Variants in WDPCP observed in about 807,000 individuals in gnomAD.
The protein encoded by WDPCP is WD repeat containing planar cell polarity effector.
In WDPCP, 71 loss-of-function variants were observed where a neutral mutation model predicts 93.1. The observed-to-expected ratio is 0.76, with a 90% CI of 0.63 to 0.93. WDPCP has a LOEUF of 0.93. Ranked by LOEUF, WDPCP falls within the 40% of genes least tolerant of loss-of-function variation. The pLI is 0.00. For synonymous variants in WDPCP, 315 were observed against 315.0 expected, an observed-to-expected ratio of 1.00 and a Z score of 0.00; for missense variants, 844 against 887.4, an observed-to-expected ratio of 0.95 and a Z score of 0.62.
intron 1 of WDPCP, among the ~76,000 whole-genome samples, chr2:63,824,120 T>G (rs1219947712): frequency 6.6e-6 from 1 of 152,088 alleles, no homozygotes; most frequent in East Asian, 1.9e-4. Flanking sequence ...TAGGGGTAGT[T>G]TCCCCCATGC....
At chr2:63,772,996 A>G (rs888657519) in intron 2 of WDPCP, among the ~76,000 whole-genome samples, 21 of 152,004 alleles carry the variant, frequency 1.4e-4, no homozygotes, top group African/African-American at 4.3e-4. Context: ...AAATGATAAA[A>G]CTGTTATTAC....
In WDPCP at chr2:63,121,777, G is replaced by T; in HGVS notation, c.*229C>A. On this transcript the variant is annotated 3_prime_UTR_variant, in exon 18 of 18. Transcript: ENST00000272321. ...GACACTTTCAAAATTTTACATTATT[G>T]AAAATAAGTAGGTTGAAGACTTTTA... 9 of 1,129,070 alleles carry T rather than the reference G, an allele frequency of 8.0e-6. No individual in the cohort carries two copies. The highest frequency in any genetic ancestry group is 1.6e-5 in the African/African-American group (1 of 63,230). 69.9% of individuals were successfully genotyped at this position (1,129,070 alleles called of 1,614,324 possible).
chr2:63,788,269 A>T lies in WDPCP; in HGVS notation n.308+25353T>A, dbSNP rs774769948. Among the ~76,000 whole-genome samples, 388 of 152,310 alleles carry T rather than the reference A, an allele frequency of 2.5e-3. 1 individual carries two copies. The highest frequency in any genetic ancestry group is 2.8e-3 in the Non-Finnish European group (192 of 68,024). ...CAGTACAGTCAAGTACCATAAAAAAACAAAATGAGCAATATGTCATTGGTG... is the reference window on the plus strand; with the variant it reads ...CAGTACAGTCAAGTACCATAAAAAATCAAAATGAGCAATATGTCATTGGTG... On this transcript the variant is annotated intron_variant and non_coding_transcript_variant, in intron 2 of 4. Coordinates refer to the WDPCP transcript ENST00000467687.
the WDPCP span, among the ~76,000 whole-genome samples, chr2:63,837,844 C>G: frequency 1.3e-5 from 2 of 152,242 alleles, no homozygotes; most frequent in African/African-American, 4.8e-5. Flanking sequence ...TGGCTTACGC[C>G]TGTAATTCCA....
chr2:63,245,528 A>G (rs1680203415), intron 14 of WDPCP, among the ~76,000 whole-genome samples: 1 of 152,196 alleles, frequency 6.6e-6, no homozygotes, highest in Non-Finnish European at 1.5e-5. Context: ...CTGTTGTTTT[A>G]TGCTAAAAGT....
intron 1 of WDPCP, among the ~76,000 whole-genome samples, chr2:63,501,009 T>C (rs764431516): frequency 6.6e-6 from 1 of 152,172 alleles, no homozygotes; most frequent in Non-Finnish European, 1.5e-5. Flanking sequence ...AAGTTCTAAA[T>C]CAGTTCAGAA....
At chr2:63,758,632 C>T (rs1027786610) in intron 2 of WDPCP, among the ~76,000 whole-genome samples, 2 of 151,940 alleles carry the variant, frequency 1.3e-5, no homozygotes, top group Non-Finnish European at 2.9e-5. Context: ...TAGAGATAGG[C>T]TTTCACCGTG....
intron 6 of WDPCP, among the ~76,000 whole-genome samples, chr2:63,449,949 G>A (rs1393223472): frequency 1.3e-5 from 2 of 152,158 alleles, no homozygotes; most frequent in Non-Finnish European, 2.9e-5. Context: ...GTGCCATGGG[G>A]TCTCCAGTAC....
chr2:63,183,507 C>G (rs1674398223), intron 14 of WDPCP, among the ~76,000 whole-genome samples: 1 of 151,940 alleles, frequency 6.6e-6, no homozygotes. Flanking sequence ...GGTATGATTT[C>G]AATTTTTAAA....
chr2:63,825,012 A>C (rs1671091370), intron 1 of WDPCP, among the ~76,000 whole-genome samples: 1 of 152,192 alleles, frequency 6.6e-6, no homozygotes, highest in Non-Finnish European at 1.5e-5. Flanking sequence ...TAATACAAAA[A>C]GCTCATATAA....
At chr2:63,200,823 T>G (rs546598504) in intron 14 of WDPCP, among the ~76,000 whole-genome samples, 3 of 152,208 alleles carry the variant, frequency 2.0e-5, no homozygotes, top group South Asian at 2.1e-4. Context: ...TTGGATTGTA[T>G]GTAAGATAGA....
At chr2:63,534,352 T>A (rs1366006905) in intron 1 of WDPCP, among the ~76,000 whole-genome samples, 1 of 152,170 alleles carries the variant, frequency 6.6e-6, no homozygotes, top group Non-Finnish European at 1.5e-5. Context: ...CCTCCCTAAC[T>A]CATTTTATGA....
At chr2:63,593,506 C>T (rs755226323), upstream of WDPCP, 5 of 468,524 alleles carry the variant, frequency 1.1e-5, no homozygotes, top group South Asian at 3.1e-5. Context: ...AAGAAGCCTT[C>T]GAGGCTATCC....
chr2:63,225,912 A>C (rs1312581854), intron 14 of WDPCP, among the ~76,000 whole-genome samples: 3 of 151,896 alleles, frequency 2.0e-5, no homozygotes, highest in Non-Finnish European at 4.4e-5. Context: ...AAGATGGGAC[A>C]AAAGAGCCTT....
chr2:63,665,640 G>C (rs1710274634), intron 2 of WDPCP, among the ~76,000 whole-genome samples: 1 of 152,252 alleles, frequency 6.6e-6, no homozygotes, highest in Admixed American at 6.5e-5. Context: ...AAATGTGACA[G>C]AAAGGTAAAG....
chr2:63,245,809 A>C (rs1003501482), intron 14 of WDPCP, among the ~76,000 whole-genome samples: 1 of 152,170 alleles, frequency 6.6e-6, no homozygotes, highest in Non-Finnish European at 1.5e-5. Flanking sequence ...CTATATATTT[A>C]TGGGTACATG....
intron 12 of WDPCP, among the ~76,000 whole-genome samples, chr2:63,366,613 G>A (rs1178447015): frequency 6.6e-6 from 1 of 152,104 alleles, no homozygotes; most frequent in Non-Finnish European, 1.5e-5. Flanking sequence ...CAGGTACCAT[G>A]ATTGTCCTTA....
intron 2 of WDPCP, among the ~76,000 whole-genome samples, chr2:63,758,955 T>A (rs1670011200): frequency 6.6e-6 from 1 of 151,680 alleles, no homozygotes; most frequent in African/African-American, 2.4e-5. Flanking sequence ...TTTTCTGTAT[T>A]TTTTTAGTAG....
intron 14 of WDPCP, among the ~76,000 whole-genome samples, chr2:63,254,623 T>A (rs1224390894): frequency 6.6e-6 from 1 of 152,158 alleles, no homozygotes; most frequent in Non-Finnish European, 1.5e-5. Flanking sequence ...GATAATATTT[T>A]ACAAAAATTT....
Sources: gnomAD v4.1 joint callset for allele counts (sites outside exome capture counted in the v4.1 genomes callset) on GRCh38, gnomAD v4.1.1 for gene constraint, MANE v1.5 for transcripts, NCBI Gene and HGNC (gene_info 2026-07-23, HGNC 2026-07-21) for gene names.